The following FBXO32 variants were observed in gnomAD, a reference collection of about 807,000 sequenced individuals.
FBXO32 encodes the protein F-box protein 32.
FBXO32 carries 15 observed loss-of-function variants against 48.3 expected under a neutral mutation model. That is an observed-to-expected ratio of 0.31 (90% confidence interval 0.21 to 0.48). The LOEUF (loss-of-function observed/expected upper bound fraction) is 0.48. FBXO32 is among the 20% of genes least tolerant of loss of function. FBXO32 has a pLI of 0.99. For synonymous variants in FBXO32, 154 were observed against 165.9 expected (o/e 0.93, Z 0.55); for missense variants, 309 against 432.7 (o/e 0.71, Z 2.54).
rs1167376301 is a variant in FBXO32 at position 123,499,542 on chromosome 8, C to T, written c.*3831G>A. 6.7e-6 allele frequency: 1 copy of T among 150,304 alleles called. No individual in the cohort carries two copies. Among genetic ancestry groups the T allele is most frequent in the Non-Finnish European group, 1.5e-5 (1 of 67,664 alleles). 9.3% of individuals were successfully genotyped at this position (150,304 alleles called of 1,614,324 possible). A position where few individuals can be genotyped will look rare whatever the true frequency, so the allele number is the denominator to read the frequency against. ...TTAAAAAAATTCACACATAAAATTA[C>T]AGTTAAAAAAATTCACACATAAAAT... On this transcript the variant is annotated 3_prime_UTR_variant, in exon 9 of 9. Coordinates refer to ENST00000517956, the MANE Select transcript of FBXO32 (RefSeq NM_058229.4).
intron 1 of FBXO32, among the ~76,000 whole-genome samples, chr8:123,538,162 G>C (rs1817345897): frequency 6.6e-6 from 1 of 151,992 alleles, no homozygotes; most frequent in East Asian, 1.9e-4. Flanking sequence ...TGGACACATG[G>C]CTGGGACTGG....
In FBXO32 at chr8:123,500,811, T is replaced by G. The variant is rs1042270826; in HGVS notation, c.*2562A>C. 6.6e-6 allele frequency: 1 copy of G among 152,206 alleles called. No homozygotes were observed. Among genetic ancestry groups the G allele is most frequent in the African/African-American group, 2.4e-5 (1 of 41,450 alleles). The allele number at this position is 152,206 out of a possible 1,614,324, so 9.4% of individuals were successfully genotyped here. A position where few individuals can be genotyped will look rare whatever the true frequency, so the allele number is the denominator to read the frequency against. ...GAGAACCATAAAGGTTGATTTCTTC[T>G]TCATTTTCCTTAAAAAATTTCCTTG... On this transcript the variant is annotated 3_prime_UTR_variant, in exon 9 of 9. Coordinates refer to ENST00000517956, the MANE Select transcript of FBXO32 (RefSeq NM_058229.4).
At chr8:123,508,102 A>T (rs73330061) in intron 6 of FBXO32, among the ~76,000 whole-genome samples, 6,102 of 152,182 alleles carry the variant, frequency 0.04, 405 homozygotes, top group African/African-American at 0.14. Context: ...ACATTTTTCC[A>T]TCAATGTTCT....
chr8:123,517,492 T>TC lies in FBXO32; in HGVS notation c.373-3160_373-3159insG, dbSNP rs56343958. 6.1e-5 allele frequency among the ~76,000 whole-genome samples: 9 copies of TC among 146,512 alleles called. 1 individual carries two copies. In the South Asian group the frequency reaches 1.9e-3, roughly 32 times the overall value. ...TCCCCCCTACCTTTTTTTTTTTTTT[T>TC]AACTGTCAGACAGCTGTGGAGTCAG... On this transcript the variant is annotated intron_variant, in intron 4 of 8. Coordinates refer to ENST00000517956, the MANE Select transcript of FBXO32 (RefSeq NM_058229.4).
In FBXO32 at chr8:123,513,105, C is replaced by A; in HGVS notation, c.651+93G>T. The A allele has an allele frequency of 7.5e-7, 1 of 1,338,122 alleles. No individual in the cohort carries two copies. The highest frequency in any genetic ancestry group is 1.0e-6 in the Non-Finnish European group (1 of 956,436). 82.9% of individuals were successfully genotyped at this position (1,338,122 alleles called of 1,614,324 possible). A position where few individuals can be genotyped will look rare whatever the true frequency, so the allele number is the denominator to read the frequency against. ...CAGATCAGAAAAGACCAGACTCTTC[C>A]GTCACAGGAGTGAATTCAAAGTCTT... On this transcript the variant is annotated intron_variant, in intron 6 of 8. Transcript: ENST00000517956. The surrounding 1 kb of genome is among the most constrained non-coding windows in gnomAD (Gnocchi z 4.3).
chr8:123,506,176 C>A lies in FBXO32; in HGVS notation c.834+216G>T, dbSNP rs1410454215. 6.6e-6 allele frequency among the ~76,000 whole-genome samples: 1 copy of A among 152,206 alleles called. No individual in the cohort carries two copies. Among genetic ancestry groups the A allele is most frequent in the African/African-American group, 2.4e-5 (1 of 41,440 alleles). On this transcript the variant is annotated intron_variant, in intron 7 of 8. Transcript: ENST00000517956. The surrounding 1 kb of genome is among the most constrained non-coding windows in gnomAD (Gnocchi z 4.0). ...CCCAAGTGGCTGAGGTTACAGTGAG[C>A]TATGATTGCATCACTGCACTCCAGC... is the stretch of plus-strand genomic sequence containing the variant.
rs1816579936 is a variant in FBXO32, at chr8:123,504,809, T to A, written c.835-62A>T. The A allele has an allele frequency of 2.6e-6, 4 of 1,547,198 alleles. No homozygotes were observed. In the Admixed American group the frequency reaches 7.0e-5, roughly 27 times the overall value. On this transcript the variant is annotated intron_variant, in intron 7 of 8. Coordinates refer to ENST00000517956, the MANE Select transcript of FBXO32 (RefSeq NM_058229.4). ...GTTTGTCAAGAAGATGGCTTGTGGTTTTCCGGTTCTGAAAAGGTTTACTCT... is the reference window on the plus strand; with the variant it reads ...GTTTGTCAAGAAGATGGCTTGTGGTATTCCGGTTCTGAAAAGGTTTACTCT...
At chr8:123,539,402 C>T (rs141515859) in intron 1 of FBXO32, among the ~76,000 whole-genome samples, 9 of 152,272 alleles carry the variant, frequency 5.9e-5, no homozygotes, top group African/African-American at 1.9e-4. Context: ...ATTGGTAACT[C>T]CAGTCGATAA....
At chr8:123,527,101 A>G (rs1817094413) in intron 4 of FBXO32, 3 of 152,200 alleles carry the variant, frequency 2.0e-5, no homozygotes, top group Non-Finnish European at 4.4e-5. Context: ...TAAAACATTG[A>G]AAAACGTACA....
intron 6 of FBXO32, among the ~76,000 whole-genome samples, chr8:123,512,288 T>A (rs889136948): frequency 6.6e-6 from 1 of 152,128 alleles, no homozygotes; most frequent in Non-Finnish European, 1.5e-5. Flanking sequence ...ACCAGTAAAG[T>A]CAGGAACATG....
Position 123,531,906 on chromosome 8 carries a change from C to T in FBXO32, c.364G>A (p.Val122Met), listed in dbSNP as rs756822475. 6 of 1,613,928 alleles carry T rather than the reference C, an allele frequency of 3.7e-6. No individual in the cohort carries two copies. Among genetic ancestry groups the T allele is most frequent in the African/African-American group, 1.3e-5 (1 of 74,878 alleles). The change falls in exon 4 of 9, where the codon GTG (valine) becomes ATG (methionine). Residue 122 changes from valine (V) to methionine (M), a missense_variant. Physicochemically the swap from Val to Met is conservative, Grantham distance 21. Coordinates refer to ENST00000517956, the MANE Select transcript of FBXO32 (RefSeq NM_058229.4). ...AGGCACTTGAGACTTACCCGGACCA[C>T]GTAGTTAAATCTTCTGGAATCCAGA... ...AILDSRRFNY[V>M]VRLLELIAKS...
In FBXO32 at chr8:123,540,948, T is replaced by C; in HGVS notation, c.67A>G (p.Lys23Glu). Reference sequence around the variant, plus strand: ...CCGCTCTTCTCATCCAGGAAGCGCTTCCAGCCGTCGGCCGTCTTCACCCAG... The same window carrying C: ...CCGCTCTTCTCATCCAGGAAGCGCTCCCAGCCGTCGGCCGTCTTCACCCAG... ...QNWVKTADGW[K>E]RFLDEKSGSF... Residue 23 changes from lysine to glutamate, a missense_variant, in exon 1 of 9, where the codon AAG (lysine) becomes GAG (glutamate). Physicochemically the swap from Lys to Glu is moderately conservative, Grantham distance 56. Coordinates refer to ENST00000517956, the MANE Select transcript of FBXO32 (RefSeq NM_058229.4). This position sits in a 1 kb window ranked among gnomAD's most constrained non-coding sequence, Gnocchi z 6.4. 6.2e-7 allele frequency: 1 copy of C among 1,613,464 alleles called. No homozygotes were observed. Among genetic ancestry groups the C allele is most frequent in the African/African-American group, 1.3e-5 (1 of 75,012 alleles).
rs953913226 is a variant in FBXO32 at position 123,513,043 on chromosome 8, G to T, written c.651+155C>A. On this transcript the variant is annotated intron_variant, in intron 6 of 8. Coordinates refer to ENST00000517956, the MANE Select transcript of FBXO32 (RefSeq NM_058229.4). The surrounding 1 kb of genome is among the most constrained non-coding windows in gnomAD (Gnocchi z 4.3). ...TTCTTCCCACTTCCCTTTATCAGGA[G>T]GTCCCCCAGCCCACCCTCAGCACCA... is the stretch of plus-strand genomic sequence containing the variant. 2.0e-5 allele frequency among the ~76,000 whole-genome samples: 3 copies of T among 152,156 alleles called. No homozygotes were observed. Among genetic ancestry groups the T allele is most frequent in the African/African-American group, 7.2e-5 (3 of 41,452 alleles).
intron 4 of FBXO32, among the ~76,000 whole-genome samples, chr8:123,529,269 C>G (rs1817151793): frequency 6.6e-6 from 1 of 152,216 alleles, no homozygotes. Flanking sequence ...GATACGTGTT[C>G]TCTGTGCTGA....
chr8:123,523,964 A>G (rs558020175), intron 4 of FBXO32, among the ~76,000 whole-genome samples: 1 of 152,350 alleles, frequency 6.6e-6, no homozygotes, highest in South Asian at 2.1e-4. Flanking sequence ...ATTCAATTTC[A>G]TTCTCACAGC....
At chr8:123,519,550 C>CAAA (rs778974048) in intron 4 of FBXO32, among the ~76,000 whole-genome samples, 4 of 72,252 alleles carry the variant, frequency 5.5e-5, no homozygotes, top group African/African-American at 1.0e-4. Flanking sequence ...GACTCCATCT[C>CAAA]AAAAAAAAAA....
Position 123,503,084 on chromosome 8 carries a change from C to T in FBXO32, c.*289G>A, listed in dbSNP as rs910936427. The T allele has an allele frequency of 3.6e-5, 8 of 223,368 alleles. No individual in the cohort carries two copies. In the East Asian group the frequency reaches 5.2e-4, roughly 14 times the overall value. 13.8% of individuals were successfully genotyped at this position (223,368 alleles called of 1,614,324 possible). ...ACCATTAAGAGGACTCCATTTTCAC[C>T]GCTGAAATAGAATTATTGCCCTTAT... is the stretch of plus-strand genomic sequence containing the variant. On this transcript the variant is annotated 3_prime_UTR_variant, in exon 9 of 9. Coordinates refer to ENST00000517956, the MANE Select transcript of FBXO32 (RefSeq NM_058229.4).
chr8:123,529,120 T>TG (rs1817149262), intron 4 of FBXO32, among the ~76,000 whole-genome samples: 1 of 152,224 alleles, frequency 6.6e-6, no homozygotes, highest in East Asian at 1.9e-4. Flanking sequence ...CTAATAGTGA[T>TG]GGGGAAAAAT....
At chr8:123,527,927 C>T (rs1817120433) in intron 4 of FBXO32, among the ~76,000 whole-genome samples, 1 of 152,186 alleles carries the variant, frequency 6.6e-6, no homozygotes, top group Admixed American at 6.5e-5. Context: ...CACTAAATTC[C>T]TGATGGACCA....
Sources: allele counts gnomAD v4.1 joint callset (sites outside exome capture counted in the v4.1 genomes callset), GRCh38; gene constraint gnomAD v4.1.1; non-coding constraint Gnocchi (gnomAD v3.1); transcripts MANE v1.5; gene names NCBI Gene and HGNC (gene_info 2026-07-23, HGNC 2026-07-21).